The following CBFA2T3 variants were observed in gnomAD, a reference collection of about 807,000 sequenced individuals.
CBFA2T3 encodes transcriptional corepressor CBFA2T3.
In CBFA2T3, 31 loss-of-function variants were observed where a neutral mutation model predicts 58.6. The observed-to-expected ratio is 0.53, with a 90% CI of 0.40 to 0.71. The LOEUF (loss-of-function observed/expected upper bound fraction) is 0.71, where lower values mean the gene tolerates loss of function less well. Ranked by LOEUF, CBFA2T3 falls within the 30% of genes least tolerant of loss-of-function variation. The pLI is 0.00. For synonymous variants in CBFA2T3, 531 were observed against 421.9 expected (o/e 1.26, Z -3.17); for missense variants, 1,076 against 963.1 (o/e 1.12, Z -1.55).
chr16:88,935,195 G>C (rs1971457965), intron 1 of CBFA2T3, among the ~76,000 whole-genome samples: 1 of 152,188 alleles, frequency 6.6e-6, no homozygotes, highest in Non-Finnish European at 1.5e-5. Flanking sequence ...CCCGGTCAGG[G>C]GCAGTCCTGG....
At chr16:88,909,189 C>T (rs538983616) in intron 1 of CBFA2T3, among the ~76,000 whole-genome samples, 130 of 152,332 alleles carry the variant, frequency 8.5e-4, no homozygotes, top group African/African-American at 3.0e-3. Context: ...AGGCCTCTTG[C>T]AAAGCCTTTT....
In CBFA2T3 at chr16:88,876,783, C is replaced by T. The variant is rs552947693; in HGVS notation, c.*193G>A. On this transcript the variant is annotated 3_prime_UTR_variant, in exon 12 of 12. Coordinates refer to ENST00000268679, the MANE Select transcript of CBFA2T3 (RefSeq NM_005187.6). Reference sequence around the variant, plus strand: ...GTAGCTGAGGCAGGTGCACTGAATGCGGTTTTGTTGGTTCTGTGTCTTCTT... The same window carrying T: ...GTAGCTGAGGCAGGTGCACTGAATGTGGTTTTGTTGGTTCTGTGTCTTCTT... The T allele has an allele frequency of 6.0e-5, 30 of 496,832 alleles. No homozygotes were observed. Among genetic ancestry groups the T allele is most frequent in the East Asian group, 1.7e-4 (5 of 28,994 alleles). 30.8% of individuals were successfully genotyped at this position (496,832 alleles called of 1,614,324 possible).
At chr16:88,892,744 C>G (rs1001645452) in intron 3 of CBFA2T3, among the ~76,000 whole-genome samples, 8 of 152,192 alleles carry the variant, frequency 5.3e-5, no homozygotes, top group Admixed American at 5.2e-4. Flanking sequence ...CCTTACAGAC[C>G]TGGAAATGGA....
intron 1 of CBFA2T3, among the ~76,000 whole-genome samples, chr16:88,973,346 C>T (rs1005751083): frequency 3.2e-4 from 49 of 152,150 alleles, no homozygotes; most frequent in African/African-American, 1.2e-3. Flanking sequence ...GGCCACAGCC[C>T]AGGAACACCT....
chr16:88,955,831 G>A (rs1415926946), intron 1 of CBFA2T3, among the ~76,000 whole-genome samples: 1 of 110,554 alleles, frequency 9.0e-6, no homozygotes, highest in African/African-American at 3.9e-5. Flanking sequence ...CTCACCCAAG[G>A]CTCCTGACCT....
rs559936694 is a variant in CBFA2T3, at chr16:88,886,061, G to A, written c.793C>T (p.His265Tyr). 12 of 1,589,442 alleles carry A rather than the reference G, an allele frequency of 7.5e-6. No homozygotes were observed. The South Asian group carries it at 1.3e-4, about 17-fold the overall frequency. ...KQTPAQYLAQ[H>Y]EQLLLDASAS... ...CTGGCGTCCAGCAGGAGCTGCTCATGCTGGGCCAAGTACTGGGCGGGCGTC... is the reference window on the plus strand; with the variant it reads ...CTGGCGTCCAGCAGGAGCTGCTCATACTGGGCCAAGTACTGGGCGGGCGTC... Residue 265 changes from histidine to tyrosine, a missense_variant, in exon 6 of 12, where the codon CAT (histidine) becomes TAT (tyrosine). Coordinates refer to ENST00000268679, the MANE Select transcript of CBFA2T3 (RefSeq NM_005187.6).
chr16:88,910,883 TGCCCCCA>T (rs71276836), intron 1 of CBFA2T3, among the ~76,000 whole-genome samples: 1 of 150,906 alleles, frequency 6.6e-6, no homozygotes, highest in Admixed American at 6.6e-5. Flanking sequence ...CTCCCTCCCC[TGCCCCCA>T]GCCCCCAGCC....
At chr16:88,960,407 T>C (rs1972328951) in intron 1 of CBFA2T3, among the ~76,000 whole-genome samples, 1 of 152,176 alleles carries the variant, frequency 6.6e-6, no homozygotes, top group South Asian at 2.1e-4. Flanking sequence ...AGTTTGAAAA[T>C]CCTGGTGTGA....
chr16:88,898,361 C>G (rs1228084831), intron 2 of CBFA2T3, among the ~76,000 whole-genome samples: 1 of 152,038 alleles, frequency 6.6e-6, no homozygotes, highest in Non-Finnish European at 1.5e-5. Context: ...GCAGGAGACT[C>G]TGCCCTCAGG....
rs1450180510 is a variant in CBFA2T3, at chr16:88,976,653, T to C, written c.151+4A>G. On this transcript the variant is annotated splice_donor_region_variant and intron_variant, in intron 1 of 11. Coordinates refer to ENST00000268679, the MANE Select transcript of CBFA2T3 (RefSeq NM_005187.6). ...CCCCACCACCTTCCCCTCGAGCCTC[T>C]TACCTGGGCCGCCCTTCCTGGGACC... is the stretch of plus-strand genomic sequence containing the variant. 2 of 1,555,480 alleles carry C rather than the reference T, an allele frequency of 1.3e-6. No homozygotes were observed. The highest frequency in any genetic ancestry group is 1.4e-5 in the African/African-American group (1 of 73,398).
At chr16:88,910,128 C>T (rs1007555706) in intron 1 of CBFA2T3, among the ~76,000 whole-genome samples, 1 of 152,254 alleles carries the variant, frequency 6.6e-6, no homozygotes, top group African/African-American at 2.4e-5. Flanking sequence ...CCCGCCTGTG[C>T]TGTGCCTCGG....
intron 1 of CBFA2T3, among the ~76,000 whole-genome samples, chr16:88,961,893 C>G (rs576671108): frequency 1.2e-3 from 169 of 146,244 alleles, no homozygotes; most frequent in African/African-American, 4.0e-3. Context: ...CATTCCCACT[C>G]CATAGTAACC....
chr16:88,892,528 A>T (rs1969683785), intron 3 of CBFA2T3, 43 bp from the exon 4 acceptor site: 1 of 1,606,386 alleles, frequency 6.2e-7, no homozygotes, highest in Non-Finnish European at 8.5e-7. Context: ...GGTGATGGTG[A>T]CAACACAACC....
chr16:88,975,177 CACATCTTTAGCCA>C (rs1567643970), intron 1 of CBFA2T3, among the ~76,000 whole-genome samples: 2,104 of 122,018 alleles, frequency 0.017, 55 homozygotes, highest in African/African-American at 0.019. Flanking sequence ...CTCTCTGCTC[CACATCTTTAGCCA>C]TGTCAGAGGT....
At chr16:88,901,948 C>T (rs1018601286) in intron 1 of CBFA2T3, among the ~76,000 whole-genome samples, 1 of 152,222 alleles carries the variant, frequency 6.6e-6, no homozygotes, top group Admixed American at 6.5e-5. Context: ...AGGCTTGAGG[C>T]TTCTACAGAC....
intron 1 of CBFA2T3, among the ~76,000 whole-genome samples, chr16:88,956,201 A>C (rs1397706814): frequency 6.6e-6 from 1 of 152,276 alleles, no homozygotes; most frequent in African/African-American, 2.4e-5. Flanking sequence ...GGCCATGTAG[A>C]GCCTCCAGAC....
chr16:88,957,373 A>T (rs1204508988), intron 1 of CBFA2T3, among the ~76,000 whole-genome samples: 1 of 152,140 alleles, frequency 6.6e-6, no homozygotes, highest in Admixed American at 6.5e-5. Flanking sequence ...ATGGCAGAGC[A>T]CTCTCCGTGG....
intron 5 of CBFA2T3, among the ~76,000 whole-genome samples, chr16:88,888,732 C>T (rs374098791): frequency 4.8e-4 from 73 of 151,662 alleles, no homozygotes; most frequent in African/African-American, 1.7e-3. Flanking sequence ...ATTTTTGAAT[C>T]CTCCTGGCCT....
At chr16:88,916,868 G>A (rs1010684082) in intron 1 of CBFA2T3, among the ~76,000 whole-genome samples, 7 of 152,220 alleles carry the variant, frequency 4.6e-5, no homozygotes, top group Admixed American at 3.9e-4. Context: ...CTAGACAGGC[G>A]TGGAGGGGCC....
Sources: gnomAD v4.1 joint callset for allele counts (sites outside exome capture counted in the v4.1 genomes callset) on GRCh38, gnomAD v4.1.1 for gene constraint, MANE v1.5 for transcripts, NCBI Gene and HGNC (gene_info 2026-07-23, HGNC 2026-07-21) for gene names.